The following KIFAP3 variants were observed in gnomAD, a reference collection of about 807,000 sequenced individuals.
KIFAP3 encodes the protein kinesin associated protein 3, also known as kinesin-associated protein 3.
KIFAP3 carries 68 observed loss-of-function variants against 106.5 expected under a neutral mutation model. The ratio of observed to expected loss-of-function variants is 0.64; its 90% confidence interval spans 0.53 to 0.78. KIFAP3 has a LOEUF of 0.78. Among genes scored for constraint, KIFAP3 ranks in the 30% least tolerant of loss-of-function variants. KIFAP3 has a pLI of 0.00. For synonymous variants in KIFAP3, 320 were observed against 311.5 expected, an observed-to-expected ratio of 1.03 and a Z score of -0.29; for missense variants, 780 against 941.8, an observed-to-expected ratio of 0.83 and a Z score of 2.25.
In KIFAP3 at chr1:170,008,653, C is replaced by A. The variant is rs536828412; in HGVS notation, c.1183+7809G>T. 3.3e-5 allele frequency among the ~76,000 whole-genome samples: 5 copies of A among 152,252 alleles called. No individual in the cohort carries two copies. In the South Asian group the frequency reaches 1.0e-3, roughly 32 times the overall value. ...TGGAGAGGATGTGGAGAAATAGGAA[C>A]GCTTTTACACTGTTGGTGGAAGTGT... On this transcript the variant is annotated intron_variant, in intron 10 of 19. Transcript: ENST00000361580.
chr1:169,927,221 A>G (rs1232569469), intron 19 of KIFAP3, among the ~76,000 whole-genome samples: 1 of 152,158 alleles, frequency 6.6e-6, no homozygotes. Flanking sequence ...CAATGTGGTT[A>G]AGTATAGTTT....
intron 8 of KIFAP3, among the ~76,000 whole-genome samples, chr1:170,029,547 G>A (rs994785495): frequency 2.6e-5 from 4 of 151,818 alleles, no homozygotes; most frequent in Non-Finnish European, 5.9e-5. Flanking sequence ...CTGTATTTGA[G>A]AAGAAAGGTC....
intron 19 of KIFAP3, among the ~76,000 whole-genome samples, chr1:169,950,473 A>G (rs1343877450): frequency 6.6e-6 from 1 of 152,148 alleles, no homozygotes; most frequent in East Asian, 1.9e-4. Flanking sequence ...GAATTTATAA[A>G]TCATCTGGAC....
chr1:170,065,889 T>C (rs187320610), intron 1 of KIFAP3, among the ~76,000 whole-genome samples: 13 of 152,264 alleles, frequency 8.5e-5, no homozygotes, highest in Non-Finnish European at 1.5e-4. Flanking sequence ...CTATTGGACA[T>C]TATTGTTTTG....
upstream of KIFAP3, among the ~76,000 whole-genome samples, chr1:170,078,443 G>T (rs1671963028): frequency 6.6e-6 from 1 of 152,006 alleles, no homozygotes; most frequent in African/African-American, 2.4e-5. Flanking sequence ...CAGTTAAGTA[G>T]ATAAAGAGGA....
At chr1:169,923,012 T>C in intron 19 of KIFAP3, 1 of 781,132 alleles carries the variant, frequency 1.3e-6, no homozygotes, top group African/African-American at 1.9e-5. Context: ...CTTGTGTGTA[T>C]TAAGATGGAA....
chr1:169,953,629 C>T (rs963744911), intron 19 of KIFAP3, among the ~76,000 whole-genome samples: 3 of 152,178 alleles, frequency 2.0e-5, no homozygotes, highest in African/African-American at 7.2e-5. Context: ...ATTCTCCCGC[C>T]TCAGCCTCCT....
intron 19 of KIFAP3, chr1:169,923,099 A>C: frequency 1.0e-6 from 1 of 985,242 alleles, no homozygotes; most frequent in Non-Finnish European, 1.2e-6. Flanking sequence ...GGAGAATGGA[A>C]GTTCTGAAAT....
chr1:169,922,534 T>A lies in KIFAP3; in HGVS notation c.2274-753A>T, dbSNP rs74122430. 9.3e-3 allele frequency among the ~76,000 whole-genome samples: 1,411 copies of A among 152,316 alleles called. 15 individuals are homozygous for A. The highest frequency in any genetic ancestry group is 0.032 in the African/African-American group (1,316 of 41,576). Reference sequence around the variant, plus strand: ...ATGTTAAACTTCATGATTATTATTTTAAAAAAATTACTTGTTGGTCTATTA... The same window carrying A: ...ATGTTAAACTTCATGATTATTATTTAAAAAAAATTACTTGTTGGTCTATTA... On this transcript the variant is annotated intron_variant, in intron 19 of 19. Transcript: ENST00000361580.
chr1:169,967,871 T>C (rs966331501), intron 17 of KIFAP3, among the ~76,000 whole-genome samples: 11 of 151,734 alleles, frequency 7.2e-5, no homozygotes, highest in African/African-American at 2.2e-4. Flanking sequence ...CAATCTCTAG[T>C]CCCTTCTTAT....
chr1:170,027,743 AAAT>A (rs1281562168), intron 8 of KIFAP3, among the ~76,000 whole-genome samples: 1 of 152,168 alleles, frequency 6.6e-6, no homozygotes, highest in Non-Finnish European at 1.5e-5. Context: ...GTCCCTGAAA[AAAT>A]AATAACAGAA....
intron 17 of KIFAP3, among the ~76,000 whole-genome samples, chr1:169,962,236 C>T (rs1665377541): frequency 6.6e-6 from 1 of 152,032 alleles, no homozygotes; most frequent in South Asian, 2.1e-4. Context: ...ATCATAAACT[C>T]CTATGGAGCA....
chr1:170,074,777 T>C (rs1671863015), upstream of KIFAP3: 2 of 1,228,296 alleles, frequency 1.6e-6, no homozygotes, highest in African/African-American at 1.5e-5. Context: ...CCTCAGAGTT[T>C]GACGCACCGG....
chr1:170,009,383 CAA>C (rs908781545), intron 10 of KIFAP3, among the ~76,000 whole-genome samples: 4 of 151,980 alleles, frequency 2.6e-5, no homozygotes, highest in South Asian at 2.1e-4. Flanking sequence ...CAGAATTGTC[CAA>C]AAGAGTTCAC....
Position 170,018,553 on chromosome 1 carries a change from T to C in KIFAP3, c.1021-1929A>G, listed in dbSNP as rs113995876. Among the ~76,000 whole-genome samples, 1,160 of 147,092 alleles carry C rather than the reference T, an allele frequency of 7.9e-3. 18 individuals are homozygous for C. The highest frequency in any genetic ancestry group is 0.027 in the African/African-American group (1,076 of 40,414). On this transcript the variant is annotated intron_variant, in intron 9 of 19. Coordinates refer to ENST00000361580, the MANE Select transcript of KIFAP3 (RefSeq NM_014970.4). Reference sequence around the variant, plus strand: ...TGATTTTTCAATCAAAGGATTATTTTAATTTAATCCTTTAAATTTAATTTA... The same window carrying C: ...TGATTTTTCAATCAAAGGATTATTTCAATTTAATCCTTTAAATTTAATTTA...
In KIFAP3 at chr1:170,046,780, G is replaced by A. The variant is rs1457773246; in HGVS notation, c.251C>T (p.Ser84Leu). ...CAGCTGTTCTACCTCATTTAGTTTT[G>A]AAGGATGAATGAGTTTACATTCTTC... is the stretch of plus-strand genomic sequence containing the variant. ...VVEECKLIHPSKLNEVEQLLY... is the reference protein window; with the variant it reads ...VVEECKLIHPLKLNEVEQLLY... The change falls in exon 3 of 20, where the codon TCA becomes TTA. Residue 84 changes from serine to leucine, a missense_variant. Ser to Leu is a moderately radical substitution (Grantham distance 145). This residue lies in a region of KIFAP3 where 588 missense variants were observed against 678.9 expected (regional missense o/e 0.87). Coordinates refer to ENST00000361580, the MANE Select transcript of KIFAP3 (RefSeq NM_014970.4). The A allele has an allele frequency of 2.5e-6, 4 of 1,610,786 alleles. No homozygotes were observed. The highest frequency in any genetic ancestry group is 2.7e-5 in the African/African-American group (2 of 74,744).
intron 2 of KIFAP3, among the ~76,000 whole-genome samples, chr1:170,048,300 GTT>G (rs11447201): frequency 9.8e-4 from 140 of 142,756 alleles, no homozygotes; most frequent in African/African-American, 3.3e-3. Context: ...CCTTATTTGG[GTT>G]TTTTTTTTTT....
At chr1:169,942,281 A>C (rs1571531220) in intron 19 of KIFAP3, among the ~76,000 whole-genome samples, 1 of 152,228 alleles carries the variant, frequency 6.6e-6, no homozygotes, top group East Asian at 1.9e-4. Flanking sequence ...AAAAGAAAAA[A>C]AGGCTTGGTC....
chr1:170,070,555 T>G (rs1590900), intron 1 of KIFAP3, among the ~76,000 whole-genome samples: 4,083 of 152,168 alleles, frequency 0.027, 85 homozygotes, highest in Non-Finnish European at 0.046. Context: ...AAAAGAACAG[T>G]CAATTGTTCT....
Sources: allele counts gnomAD v4.1 joint callset (sites outside exome capture counted in the v4.1 genomes callset), GRCh38; gene constraint gnomAD v4.1.1; regional missense constraint gnomAD v4.1.1; transcripts MANE v1.5; gene names NCBI Gene and HGNC (gene_info 2026-07-23, HGNC 2026-07-21).